The following CELA3B variants were observed in gnomAD, a reference collection of about 807,000 sequenced individuals.
The protein encoded by CELA3B is chymotrypsin-like elastase family member 3B.
A neutral mutation model predicts 37.2 loss-of-function variants in CELA3B; 34 were observed. That is an observed-to-expected ratio of 0.91 (90% CI 0.70 to 1.22). The LOEUF (loss-of-function observed/expected upper bound fraction) is 1.22. Ranked by LOEUF, CELA3B falls within the 50% of genes most tolerant of loss-of-function variation. CELA3B has a pLI of 0.00. For missense variants in CELA3B, 340 were observed against 363.1 expected, an observed-to-expected ratio of 0.94 and a Z score of 0.52; for synonymous variants, 127 against 143.5, an observed-to-expected ratio of 0.89 and a Z score of 0.82.
rs185377169 is a variant in CELA3B, at chr1:21,986,511, C to T, written c.643-20C>T. 128 of 1,612,624 alleles carry T rather than the reference C, an allele frequency of 7.9e-5. No individual in the cohort carries two copies. The African/African-American group carries it at 1.5e-3, about 19-fold the overall frequency. On this transcript the variant is annotated intron_variant, in intron 6 of 7. Coordinates refer to ENST00000337107, the MANE Select transcript of CELA3B (RefSeq NM_007352.4). ...ACCTCAGACATGGCTCAGCCACCCA[C>T]ACCTCTCTGACGGTTCCAGGGTGAC...
intron 4 of CELA3B, among the ~76,000 whole-genome samples, chr1:21,994,514 C>T (rs1310822423): frequency 6.6e-6 from 1 of 150,828 alleles, no homozygotes; most frequent in East Asian, 2.0e-4. Flanking sequence ...CCCTATACTT[C>T]AAATACTTGA....
rs114389910 is a variant in CELA3B at position 21,980,364 on chromosome 1, A to G, written c.130-460A>G. On this transcript the variant is annotated intron_variant, in intron 2 of 7. Transcript: ENST00000337107. ...CACGACGGCAGGTGCCTGTAATCCC[A>G]GTTACTGTGCAGGCTGAGGCAGGAG... 4.0e-3 allele frequency among the ~76,000 whole-genome samples: 606 copies of G among 152,268 alleles called. 7 individuals are homozygous for G. The highest frequency in any genetic ancestry group is 0.014 in the African/African-American group (569 of 41,550).
intron 4 of CELA3B, 30 bp from the exon 5 acceptor site, chr1:21,983,664 C>T: frequency 1.9e-6 from 3 of 1,607,892 alleles, no homozygotes; most frequent in Non-Finnish European, 2.6e-6. Flanking sequence ...GCTGGAGGAC[C>T]AGGCCCCGTG....
chr1:21,978,470 G>C lies in CELA3B; in HGVS notation c.129+16G>C. Reference sequence around the variant, plus strand: ...GCCCTGGCAGGTAAGAGCAATAGCAGCTGCCCTCATTCCCACCGTGGGCTC... The same window carrying C: ...GCCCTGGCAGGTAAGAGCAATAGCACCTGCCCTCATTCCCACCGTGGGCTC... On this transcript the variant is annotated intron_variant, in intron 2 of 7. Coordinates refer to ENST00000337107, the MANE Select transcript of CELA3B (RefSeq NM_007352.4). The C allele has an allele frequency of 1.2e-6, 2 of 1,613,748 alleles. No individual in the cohort carries two copies. Among genetic ancestry groups the C allele is most frequent in the South Asian group, 1.1e-5 (1 of 91,062 alleles).
At chr1:21,987,242 C>T (rs112407443) in intron 7 of CELA3B, among the ~76,000 whole-genome samples, 3,401 of 150,444 alleles carry the variant, frequency 0.023, 66 homozygotes, top group Non-Finnish European at 0.033. Context: ...ATCACAAGGT[C>T]AGGAGTTCAA....
chr1:21,980,975 G>A, intron 3 of CELA3B, 54 bp downstream of exon 3: 7 of 1,614,124 alleles, frequency 4.3e-6, no homozygotes, highest in Non-Finnish European at 2.5e-6. Context: ...GGGAGGGTGG[G>A]TGATGATGGG....
chr1:21,988,301 T>A (rs1265842739), intron 7 of CELA3B, among the ~76,000 whole-genome samples: 4 of 149,040 alleles, frequency 2.7e-5, no homozygotes, highest in South Asian at 4.2e-4. Context: ...TAAAAAAATA[T>A]ATATATAAGG....
At chr1:21,979,030 A>G (rs1644788216) in intron 2 of CELA3B, among the ~76,000 whole-genome samples, 1 of 138,836 alleles carries the variant, frequency 7.2e-6, no homozygotes. Context: ...CCTGGGCAAC[A>G]GAGTGAGACT....
intron 4 of CELA3B, among the ~76,000 whole-genome samples, chr1:21,994,364 C>T (rs1009881259): frequency 6.6e-6 from 1 of 151,048 alleles, no homozygotes; most frequent in African/African-American, 2.5e-5. Flanking sequence ...ACCTCTGCTC[C>T]TGGGCTCCAG....
chr1:21,980,665 C>T (rs1644798467), intron 2 of CELA3B, among the ~76,000 whole-genome samples, 159 bp from the exon 3 acceptor site: 2 of 147,120 alleles, frequency 1.4e-5, no homozygotes, highest in South Asian at 4.6e-4. Flanking sequence ...GGCAGCTGCC[C>T]AGGTCGCAGG....
intron 1 of CELA3B, chr1:21,977,748 G>A (rs1301634748): frequency 2.1e-5 from 6 of 290,118 alleles, no homozygotes; most frequent in Non-Finnish European, 4.0e-5. Context: ...TTTTTTTGTT[G>A]AGATGGGGTC....
chr1:21,996,536 C>T (rs936912716), intron 4 of CELA3B, among the ~76,000 whole-genome samples: 2 of 151,116 alleles, frequency 1.3e-5, no homozygotes, highest in Non-Finnish European at 2.9e-5. Context: ...AAGAAATAAC[C>T]ATAAAAAAGG....
At chr1:21,983,942 C>A (rs1644822075) in intron 5 of CELA3B, 112 bp downstream of exon 5, 5 of 1,382,172 alleles carry the variant, frequency 3.6e-6, no homozygotes, top group South Asian at 2.8e-5. Flanking sequence ...TCTCCCATTT[C>A]TCTCCAGCTG....
chr1:21,994,428 C>T (rs1644881004), intron 4 of CELA3B, among the ~76,000 whole-genome samples: 2 of 151,042 alleles, frequency 1.3e-5, no homozygotes, highest in Admixed American at 6.6e-5. Context: ...CTGTACTAAT[C>T]TCTGGGTTCC....
At chr1:21,992,742 A>C (rs1293807376), downstream of CELA3B, among the ~76,000 whole-genome samples, 4 of 151,000 alleles carry the variant, frequency 2.6e-5, no homozygotes, top group South Asian at 8.4e-4. Context: ...TTGGGAGGTT[A>C]GGGTAGGAGG....
At chr1:21,983,635 G>A in intron 4 of CELA3B, 59 bp from the exon 5 acceptor site, 2 of 1,596,706 alleles carry the variant, frequency 1.3e-6, no homozygotes, top group South Asian at 2.2e-5. Flanking sequence ...GCAACGGCTG[G>A]AAGGTAGGAC....
rs1644824162 is a variant in CELA3B at position 21,984,211 on chromosome 1, G to A, written c.522G>A (p.Lys174=). Residue 174 remains lysine (K), a synonymous_variant, in exon 6 of 8, where the codon AAG becomes AAA. Transcript: ENST00000337107. ...RLYTNGPLPD[K]LQEALLPVVD... The stretch of plus-strand genomic sequence containing the variant: ...CAGCCAACGGGCCACTCCCAGACAA[G>A]CTGCAGGAGGCCCTGCTGCCGGTGG... 1.8e-5 allele frequency: 29 copies of A among 1,614,046 alleles called. No homozygotes were observed. Among genetic ancestry groups the A allele is most frequent in the Non-Finnish European group, 2.5e-5 (29 of 1,179,936 alleles).
chr1:21,984,289 G>A lies in CELA3B; in HGVS notation c.600G>A (p.Lys200=), dbSNP rs774894787. Residue 200 remains lysine, a synonymous_variant, in exon 6 of 8, where the codon AAG becomes AAA. Coordinates refer to ENST00000337107, the MANE Select transcript of CELA3B (RefSeq NM_007352.4). ...RWNWWGSSVK[K]TMVCAGGDIR... is the part of the protein sequence containing the mutation. ...ACTGGTGGGGTTCCTCCGTGAAGAAGACCATGGTGTGTGCTGGAGGGGACA... is the reference window on the plus strand; with the variant it reads ...ACTGGTGGGGTTCCTCCGTGAAGAAAACCATGGTGTGTGCTGGAGGGGACA... The A allele has an allele frequency of 1.4e-5, 22 of 1,614,048 alleles. No individual in the cohort carries two copies. The highest frequency in any genetic ancestry group is 1.6e-4 in the Middle Eastern group (1 of 6,076).
chr1:21,985,176 G>C (rs1317171891), intron 6 of CELA3B, among the ~76,000 whole-genome samples: 1 of 152,058 alleles, frequency 6.6e-6, no homozygotes, highest in Non-Finnish European at 1.5e-5. Context: ...CCAACTACTT[G>C]AGAGGCTGAG....
Sources: gnomAD v4.1 joint callset for allele counts (sites outside exome capture counted in the v4.1 genomes callset) on GRCh38, gnomAD v4.1.1 for gene constraint, MANE v1.5 for transcripts, NCBI Gene and HGNC (gene_info 2026-07-23, HGNC 2026-07-21) for gene names.